The following FHOD1 variants were observed in gnomAD, a reference collection of about 807,000 sequenced individuals.
FHOD1 encodes the protein formin homology 2 domain containing 1.
In FHOD1, 89 loss-of-function variants were observed where a neutral mutation model predicts 111.6. That is an observed-to-expected ratio of 0.80 (90% CI 0.67 to 0.95). The LOEUF (loss-of-function observed/expected upper bound fraction) is 0.95, where lower values mean the gene tolerates loss of function less well. FHOD1 is among the 40% of genes least tolerant of loss of function. The pLI is 0.00. For synonymous variants in FHOD1, 618 were observed against 639.0 expected (o/e 0.97, Z 0.50); for missense variants, 1,446 against 1,554.2 (o/e 0.93, Z 1.17).
chr16:67,237,232 G>T lies in FHOD1; in HGVS notation c.993+7C>A, dbSNP rs759699988. ...CAATCCGCCTCAGAGCGTAAGGCCC[G>T]GCCCACCTCGTAGAGCACAAGCTGC... is the stretch of plus-strand genomic sequence containing the variant. On this transcript the variant is annotated splice_region_variant and intron_variant, in intron 9 of 21. Coordinates refer to ENST00000258201, the MANE Select transcript of FHOD1 (RefSeq NM_013241.3). The surrounding 1 kb of genome is among the most constrained non-coding windows in gnomAD (Gnocchi z 5.6). 4 of 1,612,370 alleles carry T rather than the reference G, an allele frequency of 2.5e-6. No homozygotes were observed. Among genetic ancestry groups the T allele is most frequent in the African/African-American group, 1.3e-5 (1 of 75,002 alleles).
chr16:67,230,896 A>G (rs906991167), intron 17 of FHOD1, 105 bp from the exon 18 acceptor site: 8 of 1,223,174 alleles, frequency 6.5e-6, no homozygotes, highest in African/African-American at 4.5e-5. Context: ...CCCTAAGGAC[A>G]CAGACATCCA....
In FHOD1 at chr16:67,238,148, CAG is replaced by C. The variant is rs1369721464; in HGVS notation, c.548-22_548-21del. The C allele has an allele frequency of 6.2e-7, 1 of 1,614,124 alleles. No homozygotes were observed. The highest frequency in any genetic ancestry group is 8.5e-7 in the Non-Finnish European group (1 of 1,179,984). On this transcript the variant is annotated intron_variant, in intron 5 of 21. Coordinates refer to ENST00000258201, the MANE Select transcript of FHOD1 (RefSeq NM_013241.3). This position sits in a 1 kb window ranked among gnomAD's most constrained non-coding sequence, Gnocchi z 4.2. ...CGAGCGCTGGGGAAACAGGGATGGGCAGAGTCAGCGAGGGTCGCTGGAGCAGA... is the reference window on the plus strand; with the variant it reads ...CGAGCGCTGGGGAAACAGGGATGGGCAGTCAGCGAGGGTCGCTGGAGCAGA...
chr16:67,245,700 G>A (rs2034792900), intron 1 of FHOD1, among the ~76,000 whole-genome samples: 1 of 150,840 alleles, frequency 6.6e-6, no homozygotes, highest in African/African-American at 2.4e-5. Flanking sequence ...AGCCAAGATA[G>A]CCCCACTGTA....
rs370200167 is a variant in FHOD1, at chr16:67,230,732, G to A, written c.2727C>T (p.Ala909=). The A allele has an allele frequency of 2.4e-5, 39 of 1,611,398 alleles. No individual in the cohort carries two copies. The highest frequency in any genetic ancestry group is 6.7e-5 in the East Asian group (3 of 44,822). The change falls in exon 18 of 22, where the codon GCC becomes GCT. Residue 909 remains alanine (A), a synonymous_variant. Coordinates refer to ENST00000258201, the MANE Select transcript of FHOD1 (RefSeq NM_013241.3). The part of the protein sequence containing the change: ...LGQLERRSRA[A]EESLRSLAKH... ...TGGCCAAGCTCCGCAGGCTCTCCTC[G>A]GCTGCCCGGCTCCGGCGCTCCAGCT...
rs2034605159 is a variant in FHOD1 at position 67,239,412 on chromosome 16, G to C, written c.244C>G (p.Leu82Val). 6.2e-7 allele frequency: 1 copy of C among 1,614,064 alleles called. No homozygotes were observed. Among genetic ancestry groups the C allele is most frequent in the African/African-American group, 1.3e-5 (1 of 74,926 alleles). The change falls in exon 2 of 22, where the codon CTG becomes GTG. Residue 82 changes from leucine (L) to valine (V), a missense_variant. Transcript: ENST00000258201. ...ALQVSPSGYY[L>V]DTELSLEEQR... ...TCTTCCAGGGACAGCTCGGTGTCCA[G>C]GTAGTATCCGGAGGGAGACACTTGC...
rs763128197 is a variant in FHOD1, at chr16:67,230,174, C to T, written c.3106G>A (p.Val1036Ile). The T allele has an allele frequency of 1.2e-6, 2 of 1,614,106 alleles. No individual in the cohort carries two copies. The highest frequency in any genetic ancestry group is 8.5e-7 in the Non-Finnish European group (1 of 1,179,982). The change falls in exon 20 of 22, where the codon GTA becomes ATA. Residue 1036 changes from valine to isoleucine, a missense_variant. Around this residue, in one of 3 missense-constraint regions of FHOD1, gnomAD observed 1,085 missense variants for 1,108.8 expected, o/e 0.98. Coordinates refer to ENST00000258201, the MANE Select transcript of FHOD1 (RefSeq NM_013241.3). ...GEAPSNPSVP[V>I]AVSSGPGRGD... The stretch of plus-strand genomic sequence containing the variant: ...CGGCCTGGCCCGCTGCTCACTGCTA[C>T]TGGGACAGAGGGGTTGCTGGGGGCT...
At chr16:67,240,996 G>T (rs888168265) in intron 1 of FHOD1, among the ~76,000 whole-genome samples, 3 of 151,932 alleles carry the variant, frequency 2.0e-5, no homozygotes, top group African/African-American at 7.3e-5. Context: ...TGGTCCCCTG[G>T]AGAAAAAGGG....
In FHOD1 at chr16:67,238,356, C is replaced by T. The variant is rs772621143; in HGVS notation, c.441+24G>A. The T allele has an allele frequency of 2.5e-6, 4 of 1,614,074 alleles. No individual in the cohort carries two copies. The South Asian group carries it at 4.4e-5, about 18-fold the overall frequency. ...AGGGAAGCTTGGGCTACACACTTAC[C>T]CCCAGCCCACTGCGGGGCCTCACCT... On this transcript the variant is annotated intron_variant, in intron 4 of 21. Coordinates refer to ENST00000258201, the MANE Select transcript of FHOD1 (RefSeq NM_013241.3). This position sits in a 1 kb window ranked among gnomAD's most constrained non-coding sequence, Gnocchi z 4.2.
intron 1 of FHOD1, among the ~76,000 whole-genome samples, chr16:67,241,237 A>G (rs2142299453): frequency 6.6e-6 from 1 of 151,736 alleles, no homozygotes; most frequent in East Asian, 2.0e-4. Flanking sequence ...AGGCCTGGCC[A>G]CTTTCCCCTC....
In FHOD1 at chr16:67,234,404, G is replaced by A; in HGVS notation, c.1388C>T (p.Ala463Val). ...GGGCATGGCCCCGGCAAGTGTCTCT[G>A]CCCGGCCCTGGGCCAGCGCAACCTG... ...EKQVALAQGRAETLAGAMPNE... is the reference protein window; with the variant it reads ...EKQVALAQGRVETLAGAMPNE... The change falls in exon 12 of 22, where the codon GCA (alanine) becomes GTA (valine). Residue 463 changes from alanine (A) to valine (V), a missense_variant. Around this residue, in one of 3 missense-constraint regions of FHOD1, gnomAD observed 1,085 missense variants for 1,108.8 expected, o/e 0.98. Transcript: ENST00000258201. 1 of 1,609,926 alleles carries A rather than the reference G, an allele frequency of 6.2e-7. No individual in the cohort carries two copies. The highest frequency in any genetic ancestry group is 8.5e-7 in the Non-Finnish European group (1 of 1,179,504).
rs766630962 is a variant in FHOD1, at chr16:67,230,582, C to T, written c.2858+19G>A. On this transcript the variant is annotated intron_variant, in intron 18 of 21. Coordinates refer to ENST00000258201, the MANE Select transcript of FHOD1 (RefSeq NM_013241.3). ...GGAGGGTGGTGGCCGTCCTGCCTCT[C>T]TTGGGTCCATGCCCCTACCTATTGC... 1.9e-6 allele frequency: 3 copies of T among 1,613,938 alleles called. No homozygotes were observed. Among genetic ancestry groups the T allele is most frequent in the South Asian group, 1.1e-5 (1 of 91,076 alleles).
chr16:67,231,451 G>T lies in FHOD1; in HGVS notation c.2484C>A (p.Gly828=), dbSNP rs768452969. Residue 828 remains glycine (G), a synonymous_variant, in exon 16 of 22, where the codon GGC becomes GGA. Coordinates refer to ENST00000258201, the MANE Select transcript of FHOD1 (RefSeq NM_013241.3). This position sits in a 1 kb window ranked among gnomAD's most constrained non-coding sequence, Gnocchi z 4.3. ...TCACCTGGGAGCCATTGAGGAAGTT[G>T]CCCACCGCTAGGAGGGTAGCCAGGA... ...RCILATLLAV[G]NFLNGSQSSG... 2.5e-6 allele frequency: 4 copies of T among 1,614,138 alleles called. No individual in the cohort carries two copies. The highest frequency in any genetic ancestry group is 3.4e-6 in the Non-Finnish European group (4 of 1,180,012).
rs765722561 is a variant in FHOD1, at chr16:67,234,107, G to A, written c.1596C>T (p.Leu532=). The part of the protein sequence containing the change: ...ASPKAEPIWE[L]PTRAPRLSIG... ...TAGAGAGCCTGGGTGCACGGGTAGG[G>A]AGCTCCCAGATGGGCTCAGCCTTGG... Residue 532 remains leucine (L), a synonymous_variant, in exon 13 of 22, where the codon CTC becomes CTT. Transcript: ENST00000258201. 2.5e-6 allele frequency: 4 copies of A among 1,593,616 alleles called. No individual in the cohort carries two copies. The highest frequency in any genetic ancestry group is 3.4e-6 in the Non-Finnish European group (4 of 1,167,164).
intron 11 of FHOD1, chr16:67,234,708 G>A: frequency 1.9e-6 from 1 of 518,148 alleles, no homozygotes; most frequent in Non-Finnish European, 3.4e-6. Context: ...CACAGGGAGA[G>A]GATCTACTTA....
At position 67,246,963 on chromosome 16, in the gene FHOD1, G is replaced by T. The variant is rs1597336105; in HGVS notation, c.201+247C>A. ...CGAGTGGAACTCGAGCACCTCCCCA[G>T]GTGCGCCTAATTCGAAGGGCAGTCA... On this transcript the variant is annotated intron_variant, in intron 1 of 21. Coordinates refer to ENST00000258201, the MANE Select transcript of FHOD1 (RefSeq NM_013241.3). The T allele has an allele frequency of 2.1e-5, 11 of 525,088 alleles. No individual in the cohort carries two copies. In the East Asian group the frequency reaches 3.7e-4, roughly 18 times the overall value. The allele number at this position is 525,088 out of a possible 1,614,324, so 32.5% of individuals were successfully genotyped here.
Position 67,238,233 on chromosome 16 carries a change from G to T in FHOD1, c.516C>A (p.Ala172=), listed in dbSNP as rs201980850. The change falls in exon 5 of 22, where the codon GCC becomes GCA. Residue 172 remains alanine (A), a synonymous_variant. Transcript: ENST00000258201. This position sits in a 1 kb window ranked among gnomAD's most constrained non-coding sequence, Gnocchi z 4.2. ...GGATGTAGCTCTGGTAGTTGTGGTC[G>T]GCAGCAGCACCCACACGGATCAGGC... ...LSCLIRVGAA[A]DHNYQSYILR... is the part of the protein sequence containing the mutation. 1.6e-5 allele frequency: 26 copies of T among 1,614,052 alleles called. No homozygotes were observed. The highest frequency in any genetic ancestry group is 2.1e-5 in the Non-Finnish European group (25 of 1,180,034).
intron 17 of FHOD1, 77 bp from the exon 18 acceptor site, chr16:67,230,868 C>T: frequency 1.4e-6 from 2 of 1,455,882 alleles, no homozygotes; most frequent in South Asian, 1.3e-5. Context: ...GCTTCTGGGC[C>T]AGAGTGGCCA....
At position 67,230,467 on chromosome 16, in the gene FHOD1, C is replaced by G; in HGVS notation, c.2898G>C (p.Gln966His). The G allele has an allele frequency of 6.2e-7, 1 of 1,614,258 alleles. No homozygotes were observed. Among genetic ancestry groups the G allele is most frequent in the Non-Finnish European group, 8.5e-7 (1 of 1,180,050 alleles). Residue 966 changes from glutamine (Q) to histidine (H), a missense_variant, in exon 19 of 22, where the codon CAG becomes CAC. Around this residue, in one of 3 missense-constraint regions of FHOD1, gnomAD observed 1,085 missense variants for 1,108.8 expected, o/e 0.98. Transcript: ENST00000258201. The part of the protein sequence containing the change: ...AFLLYLGYTP[Q>H]AAREVRIMQF... ...GCATGATGCGCACTTCACGGGCCGC[C>G]TGCGGGGTGTAGCCCAGGTAGAGCA...
rs1401024122 is a variant in FHOD1, at chr16:67,231,840, T to C, written c.2203-21A>G. The C allele has an allele frequency of 1.9e-6, 3 of 1,609,282 alleles. No homozygotes were observed. Among genetic ancestry groups the C allele is most frequent in the Non-Finnish European group, 1.7e-6 (2 of 1,177,370 alleles). On this transcript the variant is annotated intron_variant, in intron 14 of 21. Transcript: ENST00000258201. The surrounding 1 kb of genome is among the most constrained non-coding windows in gnomAD (Gnocchi z 4.3). ...AGCTTCTGAGGATGTAGCCAGAGCC[T>C]GACATGGCCCCCTCAATGCAGGCCT...
Sources: gnomAD v4.1 joint callset for allele counts (sites outside exome capture counted in the v4.1 genomes callset) on GRCh38, gnomAD v4.1.1 for gene constraint, gnomAD v4.1.1 regional missense constraint, Gnocchi (gnomAD v3.1) non-coding constraint, MANE v1.5 for transcripts, NCBI Gene and HGNC (gene_info 2026-07-23, HGNC 2026-07-21) for gene names.